The following LIMS1 variants were observed in gnomAD, a reference collection of about 807,000 sequenced individuals.
LIMS1 encodes the protein LIM zinc finger domain containing 1, also known as LIM and senescent cell antigen-like-containing domain protein 1.
A neutral mutation model predicts 44.1 loss-of-function variants in LIMS1; 18 were observed. The ratio of observed to expected loss-of-function variants is 0.41; its 90% CI spans 0.28 to 0.61. LIMS1 has a LOEUF of 0.61. Among genes scored for constraint, LIMS1 ranks in the 20% least tolerant of loss-of-function variants. The pLI, the probability that LIMS1 is intolerant of heterozygous loss-of-function variation, is 0.32. For synonymous variants in LIMS1, 93 were observed against 149.1 expected, an observed-to-expected ratio of 0.62 and a Z score of 2.74; for missense variants, 201 against 422.0, an observed-to-expected ratio of 0.48 and a Z score of 4.59.
chr2:108,557,189 C>T (rs1287411803), intron 1 of LIMS1, among the ~76,000 whole-genome samples: 2 of 151,992 alleles, frequency 1.3e-5, no homozygotes, highest in Admixed American at 1.3e-4. Context: ...GCGATCCTCC[C>T]ACCTCAGCCT....
At chr2:108,534,652 T>TCGGGCCGGGC (rs947162437) in intron 1 of LIMS1, 58 bp downstream of exon 1, 2 of 997,248 alleles carry the variant, frequency 2.0e-6, no homozygotes, top group East Asian at 8.1e-5. Flanking sequence ...CGGCGGGCCT[T>TCGGGCCGGGC]CGGGCCGGGC....
intron 1 of LIMS1, among the ~76,000 whole-genome samples, chr2:108,623,325 G>A (rs1174867768): frequency 1.3e-5 from 2 of 151,784 alleles, no homozygotes; most frequent in African/African-American, 2.4e-5. Context: ...AAGAGAGTAA[G>A]GACTTTGAAG....
At chr2:108,683,854 C>A (rs1389818573) in intron 9 of LIMS1, 31 bp from the exon 10 acceptor site, 3 of 1,250,238 alleles carry the variant, frequency 2.4e-6, no homozygotes, top group Admixed American at 2.2e-5. Context: ...TTTCCACTAA[C>A]TTCTTTTTTT....
intron 1 of LIMS1, among the ~76,000 whole-genome samples, chr2:108,554,388 C>A (rs1300148978): frequency 6.6e-6 from 1 of 152,184 alleles, no homozygotes; most frequent in Non-Finnish European, 1.5e-5. Context: ...GAGGAGTGGT[C>A]ACCTTCTCCC....
At chr2:108,584,219 C>CTG (rs1432869967) in intron 1 of LIMS1, among the ~76,000 whole-genome samples, 4 of 152,216 alleles carry the variant, frequency 2.6e-5, no homozygotes, top group African/African-American at 9.6e-5. Context: ...TAAGCACTTG[C>CTG]TGTGCACTGT....
chr2:108,671,068 G>C, intron 3 of LIMS1: 1 of 534,566 alleles, frequency 1.9e-6, no homozygotes, highest in Non-Finnish European at 3.3e-6. Flanking sequence ...TTATTCAAGA[G>C]GCTGAGGCAG....
At chr2:108,669,737 A>G (rs1243040872) in intron 2 of LIMS1, among the ~76,000 whole-genome samples, 1 of 151,880 alleles carries the variant, frequency 6.6e-6, no homozygotes, top group East Asian at 1.9e-4. Flanking sequence ...AAAAAAAAGG[A>G]ACACCCAAAA....
At chr2:108,647,094 A>G (rs1045703775) in intron 1 of LIMS1, among the ~76,000 whole-genome samples, 2 of 152,196 alleles carry the variant, frequency 1.3e-5, no homozygotes, top group African/African-American at 2.4e-5. Context: ...GAAAAGAGAG[A>G]AGAATCAAAT....
chr2:108,663,751 A>T (rs1162386273), intron 2 of LIMS1, among the ~76,000 whole-genome samples: 2 of 148,864 alleles, frequency 1.3e-5, no homozygotes, highest in Admixed American at 1.3e-4. Flanking sequence ...TTAATTTTTT[A>T]TTTTTATTTT....
chr2:108,676,752 C>G lies in LIMS1; in HGVS notation c.774+54C>G, dbSNP rs369609518. ...TAGACTTTTATGAACCTAAGCTTAT[C>G]AGTAGTTTAGCTACAAGGAAATCTC... On this transcript the variant is annotated intron_variant, in intron 7 of 9. Coordinates refer to ENST00000544547, the Ensembl canonical transcript of LIMS1. The G allele has an allele frequency of 8.6e-4, 901 of 1,049,324 alleles. 17 individuals are homozygous for G. The South Asian group carries it at 0.015, about 17-fold the overall frequency. 65.0% of individuals were successfully genotyped at this position (1,049,324 alleles called of 1,614,324 possible). A position where few individuals can be genotyped will look rare whatever the true frequency, so the allele number is the denominator to read the frequency against.
At chr2:108,567,133 T>G (rs1685318831) in intron 1 of LIMS1, among the ~76,000 whole-genome samples, 1 of 152,222 alleles carries the variant, frequency 6.6e-6, no homozygotes, top group African/African-American at 2.4e-5. Flanking sequence ...TGTTATAATG[T>G]TGATGAGAAC....
intron 1 of LIMS1, among the ~76,000 whole-genome samples, chr2:108,619,313 G>T (rs1688102799): frequency 6.6e-6 from 1 of 150,610 alleles, no homozygotes; most frequent in African/African-American, 2.4e-5. Flanking sequence ...CGTCTATTCT[G>T]TGTTGATGGT....
intron 1 of LIMS1, among the ~76,000 whole-genome samples, chr2:108,539,286 TC>T (rs960337302): frequency 1.3e-5 from 2 of 152,220 alleles, no homozygotes; most frequent in Admixed American, 6.5e-5. Context: ...GGTTTCCCCA[TC>T]TTGCCCAGCC....
exon 10 of LIMS1, chr2:108,684,113 G>A: frequency 1.8e-6 from 1 of 551,644 alleles, no homozygotes; most frequent in Non-Finnish European, 3.2e-6. Context: ...GGACCTATAT[G>A]AATGGTTTTA....
intron 1 of LIMS1, chr2:108,607,308 T>C: frequency 6.7e-7 from 1 of 1,502,990 alleles, no homozygotes; most frequent in Non-Finnish European, 9.1e-7. Flanking sequence ...GAAACACAAA[T>C]AGAACATAAT....
At chr2:108,632,699 G>A (rs1327197372) in intron 1 of LIMS1, among the ~76,000 whole-genome samples, 1 of 152,234 alleles carries the variant, frequency 6.6e-6, no homozygotes, top group South Asian at 2.1e-4. Flanking sequence ...GAATCAACAT[G>A]TGAGTAGTGG....
At chr2:108,598,736 C>T (rs887304879) in intron 1 of LIMS1, among the ~76,000 whole-genome samples, 1 of 152,148 alleles carries the variant, frequency 6.6e-6, no homozygotes, top group East Asian at 1.9e-4. Context: ...GTAAACGTAG[C>T]CCTGGTCTTT....
intron 1 of LIMS1, among the ~76,000 whole-genome samples, chr2:108,611,991 ATAT>A (rs1687661753): frequency 7.1e-6 from 1 of 140,594 alleles, no homozygotes; most frequent in Non-Finnish European, 1.5e-5. Context: ...ATATATACAT[ATAT>A]TATATATACA....
chr2:108,630,710 T>G (rs1483926079), intron 1 of LIMS1, among the ~76,000 whole-genome samples: 1 of 150,352 alleles, frequency 6.7e-6, no homozygotes, highest in East Asian at 1.9e-4. Flanking sequence ...GCCCCTGAGA[T>G]TCCCTCTGCT....
Sources: allele counts gnomAD v4.1 joint callset (sites outside exome capture counted in the v4.1 genomes callset), GRCh38; gene constraint gnomAD v4.1.1; transcripts MANE v1.5; gene names NCBI Gene and HGNC (gene_info 2026-07-23, HGNC 2026-07-21).